Variants in FAM107B observed in about 807,000 individuals in gnomAD.
FAM107B encodes the protein family with sequence similarity 107 member B.
Under a neutral mutation model 31.5 loss-of-function variants are expected in FAM107B, and 21 were observed. That is an observed-to-expected ratio of 0.67 (90% CI 0.47 to 0.96). The LOEUF is 0.96. Among genes scored for constraint, FAM107B ranks in the 40% least tolerant of loss-of-function variants. The pLI, the probability that FAM107B is intolerant of heterozygous loss-of-function variation, is 0.00. For synonymous variants in FAM107B, 157 were observed against 141.5 expected (o/e 1.11, Z -0.78); for missense variants, 452 against 377.1 (o/e 1.20, Z -1.64).
chr10:14,601,131 G>A (rs866470030), intron 2 of FAM107B, among the ~76,000 whole-genome samples: 2 of 152,208 alleles, frequency 1.3e-5, no homozygotes, highest in Non-Finnish European at 2.9e-5. Flanking sequence ...CCCAGTGCCT[G>A]GCACATGACG....
At chr10:14,568,259 C>T (rs982805589) in intron 2 of FAM107B, among the ~76,000 whole-genome samples, 1 of 151,220 alleles carries the variant, frequency 6.6e-6, no homozygotes, top group African/African-American at 2.4e-5. Context: ...AGAAGGTGCA[C>T]TCCCATTCCC....
intron 1 of FAM107B, among the ~76,000 whole-genome samples, chr10:14,771,103 C>A (rs1833292489): frequency 6.6e-6 from 1 of 151,132 alleles, no homozygotes. Flanking sequence ...ATAAAAGCAT[C>A]TCATTCATCA....
chr10:14,572,502 T>C, intron 2 of FAM107B: 7 of 625,926 alleles, frequency 1.1e-5, no homozygotes, highest in South Asian at 7.1e-5. Context: ...AGGCTGGGAT[T>C]CATGGCATCA....
intron 2 of FAM107B, among the ~76,000 whole-genome samples, chr10:14,544,850 G>T (rs73599395): frequency 0.011 from 1,605 of 152,254 alleles, 29 homozygotes; most frequent in African/African-American, 0.037. Flanking sequence ...GCACTAAATA[G>T]GAGAAAAACA....
chr10:14,686,266 G>A (rs1185136445), intron 1 of FAM107B, among the ~76,000 whole-genome samples: 1 of 152,066 alleles, frequency 6.6e-6, no homozygotes, highest in African/African-American at 2.4e-5. Context: ...GTTGGCACCT[G>A]TAGTCCCAGC....
chr10:14,634,981 C>T (rs1428904305), intron 2 of FAM107B, among the ~76,000 whole-genome samples: 4 of 151,924 alleles, frequency 2.6e-5, no homozygotes, highest in African/African-American at 4.8e-5. Flanking sequence ...CCCAGCTACT[C>T]GGCAGGCTGA....
intron 2 of FAM107B, among the ~76,000 whole-genome samples, chr10:14,603,103 G>A (rs1474464330): frequency 6.6e-6 from 1 of 151,794 alleles, no homozygotes; most frequent in Admixed American, 6.6e-5. Flanking sequence ...TGGGTGGTGA[G>A]CATATGAGTG....
intron 2 of FAM107B, among the ~76,000 whole-genome samples, chr10:14,583,176 A>G (rs1235612901): frequency 3.3e-5 from 5 of 152,128 alleles, no homozygotes; most frequent in Non-Finnish European, 5.9e-5. Context: ...CTCATTCCAG[A>G]GCCTGATAAA....
intron 1 of FAM107B, among the ~76,000 whole-genome samples, chr10:14,733,711 G>A (rs2131562914): frequency 6.6e-6 from 1 of 152,246 alleles, no homozygotes; most frequent in East Asian, 1.9e-4. Flanking sequence ...CATTTAACAA[G>A]GAGAAATTGG....
At chr10:14,599,591 C>T (rs114333659) in intron 2 of FAM107B, among the ~76,000 whole-genome samples, 2,749 of 152,142 alleles carry the variant, frequency 0.018, 78 homozygotes, top group African/African-American at 0.062. Context: ...TCACTTGAGC[C>T]CAGGAGTTCA....
chr10:14,561,626 G>T (rs1412293261), intron 2 of FAM107B, among the ~76,000 whole-genome samples: 1 of 152,202 alleles, frequency 6.6e-6, no homozygotes. Context: ...CCCGCAGTTT[G>T]TGGTCATGGC....
chr10:14,697,137 G>A (rs1027896933), intron 1 of FAM107B, among the ~76,000 whole-genome samples: 1 of 152,104 alleles, frequency 6.6e-6, no homozygotes, highest in Non-Finnish European at 1.5e-5. Flanking sequence ...CTGTGCTTGG[G>A]GCTCTGGCTG....
chr10:14,648,796 T>G (rs1377040049), intron 2 of FAM107B, among the ~76,000 whole-genome samples: 2 of 152,222 alleles, frequency 1.3e-5, no homozygotes, highest in African/African-American at 4.8e-5. Context: ...ATTCTCCAAG[T>G]TGGTTTAATT....
intron 2 of FAM107B, among the ~76,000 whole-genome samples, chr10:14,542,217 C>T (rs991195899): frequency 2.0e-5 from 3 of 151,018 alleles, no homozygotes; most frequent in African/African-American, 7.3e-5. Flanking sequence ...CTGCAGTGAG[C>T]CAAGGTCGCG....
At chr10:14,762,158 T>A (rs1833061576) in intron 1 of FAM107B, among the ~76,000 whole-genome samples, 2 of 152,170 alleles carry the variant, frequency 1.3e-5, no homozygotes, top group South Asian at 4.1e-4. Context: ...TTGTTTTTCT[T>A]TGCAGGCTCC....
rs1855976660 is a variant in FAM107B at position 14,724,142 on chromosome 10, A to G, written c.411+50111T>C. The G allele has an allele frequency of 3.3e-5, 17 of 517,018 alleles. No individual in the cohort carries two copies. The South Asian group carries it at 3.3e-4, about 10-fold the overall frequency. 32.0% of individuals were successfully genotyped at this position (517,018 alleles called of 1,614,324 possible). A position where few individuals can be genotyped will look rare whatever the true frequency, so the allele number is the denominator to read the frequency against. On this transcript the variant is annotated intron_variant, in intron 1 of 4. Coordinates refer to ENST00000181796, the MANE Select transcript of FAM107B (RefSeq NM_031453.4). ...TGGGTAGCGCGGAAAGGCTGCATGT[A>G]TCTTCTATGCATGTGTCTTCTACGT...
intron 1 of FAM107B, among the ~76,000 whole-genome samples, chr10:14,721,663 C>T (rs1350309129): frequency 2.6e-5 from 4 of 152,196 alleles, no homozygotes; most frequent in Non-Finnish European, 5.9e-5. Flanking sequence ...AGTGTCTGTT[C>T]ATATCCTTCA....
Position 14,728,607 on chromosome 10 carries a change from G to A in FAM107B, c.411+45646C>T, listed in dbSNP as rs1459049548. 1.2e-4 allele frequency among the ~76,000 whole-genome samples: 19 copies of A among 152,130 alleles called. 1 individual carries two copies. The highest frequency in any genetic ancestry group is 1.2e-3 in the Admixed American group (19 of 15,274). ...TAGAGATGAGAATATTGGGTTGGGA[G>A]GTCATATTGTTTCCCTCTTACCGCA... On this transcript the variant is annotated intron_variant, in intron 1 of 4. Transcript: ENST00000181796.
chr10:14,725,440 G>T (rs968791938), intron 1 of FAM107B, among the ~76,000 whole-genome samples: 1 of 152,148 alleles, frequency 6.6e-6, no homozygotes, highest in Non-Finnish European at 1.5e-5. Flanking sequence ...TATCAAATAC[G>T]CCAGAGGCTG....
Sources: allele counts gnomAD v4.1 joint callset (sites outside exome capture counted in the v4.1 genomes callset), GRCh38; gene constraint gnomAD v4.1.1; transcripts MANE v1.5; gene names NCBI Gene and HGNC (gene_info 2026-07-23, HGNC 2026-07-21).